PPP2R2C: variants seen among roughly 807,000 people sequenced by gnomAD.
The protein encoded by PPP2R2C is protein phosphatase 2, regulatory subunit B, gamma.
In PPP2R2C, 10 loss-of-function variants were observed where a neutral mutation model predicts 45.3. The ratio of observed to expected loss-of-function variants is 0.22; its 90% CI spans 0.14 to 0.37. The LOEUF is 0.37. Ranked by LOEUF, PPP2R2C falls within the 10% of genes least tolerant of loss-of-function variation. The pLI, the probability that PPP2R2C is intolerant of heterozygous loss-of-function variation, is 1.00. For synonymous variants in PPP2R2C, 257 were observed against 245.4 expected, an observed-to-expected ratio of 1.05 and a Z score of -0.44; for missense variants, 308 against 619.7, an observed-to-expected ratio of 0.50 and a Z score of 5.34.
intron 2 of PPP2R2C, among the ~76,000 whole-genome samples, chr4:6,488,685 AAAAAC>A: frequency 6.6e-6 from 1 of 151,824 alleles, no homozygotes; most frequent in Middle Eastern, 3.4e-3. Flanking sequence ...CCCTGTCTAA[AAAAAC>A]AAAAATGAAA....
chr4:6,377,039 G>A (rs144824722), intron 3 of PPP2R2C, among the ~76,000 whole-genome samples: 33 of 152,340 alleles, frequency 2.2e-4, no homozygotes, highest in Admixed American at 1.8e-3. Flanking sequence ...CAGAAAAGGC[G>A]GGCACCCAGC....
At chr4:6,466,023 C>T (rs1304272562) in intron 1 of PPP2R2C, among the ~76,000 whole-genome samples, 1 of 152,168 alleles carries the variant, frequency 6.6e-6, no homozygotes, top group Non-Finnish European at 1.5e-5. Flanking sequence ...AGAAAGGACA[C>T]CATAGGGTTC....
At chr4:6,485,530 T>C (rs1055641402) in intron 2 of PPP2R2C, among the ~76,000 whole-genome samples, 1 of 151,948 alleles carries the variant, frequency 6.6e-6, no homozygotes, top group African/African-American at 2.4e-5. Context: ...TTTTAAATTG[T>C]AAATTCAATT....
At chr4:6,445,753 T>C (rs947735478) in intron 1 of PPP2R2C, among the ~76,000 whole-genome samples, 1 of 152,200 alleles carries the variant, frequency 6.6e-6, no homozygotes, top group African/African-American at 2.4e-5. Context: ...GTTTCAAATG[T>C]ATAACTTCAC....
At chr4:6,490,458 G>T (rs936532151) in intron 2 of PPP2R2C, among the ~76,000 whole-genome samples, 1 of 152,124 alleles carries the variant, frequency 6.6e-6, no homozygotes, top group African/African-American at 2.4e-5. Context: ...AAAAATGATT[G>T]CTCACAAATT....
chr4:6,498,955 C>T (rs1340342899), intron 2 of PPP2R2C, among the ~76,000 whole-genome samples: 5 of 152,096 alleles, frequency 3.3e-5, no homozygotes, highest in African/African-American at 9.7e-5. Flanking sequence ...CCTCTCTCCC[C>T]GTCCCTCTCC....
chr4:6,464,442 G>A (rs1721489105), intron 1 of PPP2R2C, among the ~76,000 whole-genome samples: 1 of 152,164 alleles, frequency 6.6e-6, no homozygotes, highest in African/African-American at 2.4e-5. Flanking sequence ...CACTGGGAGA[G>A]GAGAGTCCAC....
At chr4:6,449,451 G>A (rs1247856955) in intron 1 of PPP2R2C, among the ~76,000 whole-genome samples, 1 of 152,218 alleles carries the variant, frequency 6.6e-6, no homozygotes, top group Non-Finnish European at 1.5e-5. Context: ...ATAATAAAAT[G>A]AGTTCATTTC....
chr4:6,523,428 G>A (rs945797388), intron 2 of PPP2R2C: 1 of 152,202 alleles, frequency 6.6e-6, no homozygotes, highest in Non-Finnish European at 1.5e-5. Flanking sequence ...ATGGGCAGTG[G>A]CCTTGGACAC....
intron 1 of PPP2R2C, among the ~76,000 whole-genome samples, chr4:6,398,166 T>C (rs1436182430): frequency 6.6e-6 from 1 of 152,206 alleles, no homozygotes; most frequent in Non-Finnish European, 1.5e-5. Context: ...ACCATGAGCC[T>C]TCTAGGAGAC....
chr4:6,410,043 C>G (rs1718058038), intron 1 of PPP2R2C, among the ~76,000 whole-genome samples: 1 of 152,142 alleles, frequency 6.6e-6, no homozygotes, highest in Admixed American at 6.5e-5. Context: ...TTTACTTAAG[C>G]AGAGGGGGCT....
In PPP2R2C at chr4:6,534,314, C is replaced by T. The variant is rs1261454034; in HGVS notation, c.49+957G>A. 2.0e-5 allele frequency among the ~76,000 whole-genome samples: 3 copies of T among 150,858 alleles called. No individual in the cohort carries two copies. The East Asian group carries it at 5.8e-4, about 29-fold the overall frequency. On this transcript the variant is annotated intron_variant, in intron 2 of 9. Coordinates refer to the PPP2R2C transcript ENST00000506140. ...CAACACACACACCCCAACACATACA[C>T]ACATCAAAAAACACACATCAACACA... is the stretch of plus-strand genomic sequence containing the variant.
At chr4:6,361,139 C>T (rs940297900) in intron 5 of PPP2R2C, among the ~76,000 whole-genome samples, 2 of 152,192 alleles carry the variant, frequency 1.3e-5, no homozygotes, top group African/African-American at 4.8e-5. Context: ...TAACAGCCTC[C>T]TTTCCTTCTC....
At chr4:6,389,294 C>G (rs1027611110) in intron 1 of PPP2R2C, among the ~76,000 whole-genome samples, 1 of 152,230 alleles carries the variant, frequency 6.6e-6, no homozygotes, top group African/African-American at 2.4e-5. Flanking sequence ...ACTTCCTCCC[C>G]AGCACGTCGG....
In PPP2R2C at chr4:6,345,670, C is replaced by T. The variant is rs1052897439; in HGVS notation, c.790+2176G>A. On this transcript the variant is annotated intron_variant, in intron 6 of 8. Transcript: ENST00000382599. This position sits in a 1 kb window ranked among gnomAD's most constrained non-coding sequence, Gnocchi z 5.3. Reference sequence around the variant, plus strand: ...GAAAACGGTGCTCCCCAGAGCCTCCCGAAGGTACCAGCCCGTGGCACCTTC... The same window carrying T: ...GAAAACGGTGCTCCCCAGAGCCTCCTGAAGGTACCAGCCCGTGGCACCTTC... 1.6e-4 allele frequency among the ~76,000 whole-genome samples: 24 copies of T among 152,118 alleles called. No homozygotes were observed. Among genetic ancestry groups the T allele is most frequent in the African/African-American group, 2.7e-4 (11 of 41,420 alleles).
rs971942699 is a variant in PPP2R2C, at chr4:6,332,366, G to T, written c.960+1196C>A. Among the ~76,000 whole-genome samples the T allele has an allele frequency of 1.3e-5, 2 of 152,218 alleles. No homozygotes were observed. The highest frequency in any genetic ancestry group is 1.3e-4 in the Admixed American group (2 of 15,286). The stretch of plus-strand genomic sequence containing the variant: ...CCTGGGGTGTGCAGTGTGAGGAGGG[G>T]GCCTGAGGGAGGAGCTGGGGCAGTC... On this transcript the variant is annotated intron_variant, in intron 7 of 8. Transcript: ENST00000382599. This position sits in a 1 kb window ranked among gnomAD's most constrained non-coding sequence, Gnocchi z 4.9.
At chr4:6,529,164 A>G (rs1348464148) in intron 2 of PPP2R2C, among the ~76,000 whole-genome samples, 1 of 152,236 alleles carries the variant, frequency 6.6e-6, no homozygotes, top group Non-Finnish European at 1.5e-5. Flanking sequence ...GTAGGCCTGA[A>G]CATCTGGCAG....
chr4:6,352,392 T>A (rs1712650960), intron 5 of PPP2R2C, among the ~76,000 whole-genome samples: 1 of 152,286 alleles, frequency 6.6e-6, no homozygotes, highest in East Asian at 1.9e-4. Flanking sequence ...CCCGCCTAAA[T>A]CCTGCTTGAA....
rs1213079143 is a variant in PPP2R2C at position 6,330,060 on chromosome 4, C to T, written c.961-707G>A. On this transcript the variant is annotated intron_variant, in intron 7 of 8. Transcript: ENST00000382599. The surrounding 1 kb of genome is among the most constrained non-coding windows in gnomAD (Gnocchi z 7.0). ...CGAGGCACTGAGGCTCACAGGGTCACACAGCCTCTAAGAGGCTGACCAGGA... is the reference window on the plus strand; with the variant it reads ...CGAGGCACTGAGGCTCACAGGGTCATACAGCCTCTAAGAGGCTGACCAGGA... Among the ~76,000 whole-genome samples, 1 of 152,126 alleles carries T rather than the reference C, an allele frequency of 6.6e-6. No individual in the cohort carries two copies. The highest frequency in any genetic ancestry group is 2.4e-5 in the African/African-American group (1 of 41,434).
Sources: allele counts gnomAD v4.1 joint callset (sites outside exome capture counted in the v4.1 genomes callset), GRCh38; gene constraint gnomAD v4.1.1; non-coding constraint Gnocchi (gnomAD v3.1); transcripts MANE v1.5; gene names NCBI Gene and HGNC (gene_info 2026-07-23, HGNC 2026-07-21).